CLASP2: variants seen among roughly 807,000 people sequenced by gnomAD.
The protein encoded by CLASP2 is CLIP-associating protein 2.
Under a neutral mutation model 194.4 loss-of-function variants are expected in CLASP2, and 47 were observed. The observed-to-expected ratio is 0.24, with a 90% confidence interval of 0.19 to 0.31. The LOEUF (loss-of-function observed/expected upper bound fraction) is 0.31, where lower values mean the gene tolerates loss of function less well. Ranked by LOEUF, CLASP2 falls within the 10% of genes least tolerant of loss-of-function variation. The pLI is 1.00. For synonymous variants in CLASP2, 619 were observed against 633.5 expected, an observed-to-expected ratio of 0.98 and a Z score of 0.34; for missense variants, 1,445 against 1,823.6, an observed-to-expected ratio of 0.79 and a Z score of 3.78.
rs1310141777 is a variant in CLASP2 at position 33,570,712 on chromosome 3, A to T, written c.2763+15T>A. On this transcript the variant is annotated intron_variant, in intron 26 of 38. Transcript: ENST00000682230. ...TACCCTATAGAAATAAATAATCTTA[A>T]ATACTAAAACATACCTTGCCATGAG... 3.1e-6 allele frequency: 5 copies of T among 1,587,760 alleles called. No individual in the cohort carries two copies. Among genetic ancestry groups the T allele is most frequent in the Non-Finnish European group, 4.3e-6 (5 of 1,166,696 alleles).
intron 9 of CLASP2, among the ~76,000 whole-genome samples, chr3:33,629,789 T>C (rs1277259443): frequency 2.7e-5 from 4 of 147,420 alleles, no homozygotes; most frequent in Admixed American, 2.7e-4. Flanking sequence ...CTTAATACTT[T>C]GCTATGAAAA....
chr3:33,611,377 A>T (rs564050102), intron 13 of CLASP2, among the ~76,000 whole-genome samples: 4 of 152,282 alleles, frequency 2.6e-5, no homozygotes, highest in African/African-American at 9.6e-5. Context: ...GAATACGCAT[A>T]GTTTACTACT....
chr3:33,612,890 G>A (rs142665421), intron 12 of CLASP2, among the ~76,000 whole-genome samples: 1 of 152,072 alleles, frequency 6.6e-6, no homozygotes, highest in Non-Finnish European at 1.5e-5. Flanking sequence ...AGGCTAGGAA[G>A]GATAGGGGGA....
Position 33,510,585 on chromosome 3 carries a change from C to T in CLASP2, c.4290G>A (p.Leu1430=). The change falls in exon 37 of 39, where the codon TTG becomes TTA. Residue 1430 remains leucine, a synonymous_variant. Transcript: ENST00000682230. The part of the protein sequence containing the change: ...RVSKETLNLL[L]PEIMPGLIQG... ...GTATTAGACCTGGCATAATCTCTGGCAAAAGCAGGTTTAGGGTTTCCTTGG... is the reference window on the plus strand; with the variant it reads ...GTATTAGACCTGGCATAATCTCTGGTAAAAGCAGGTTTAGGGTTTCCTTGG... 1.2e-6 allele frequency: 2 copies of T among 1,613,862 alleles called. No individual in the cohort carries two copies. The highest frequency in any genetic ancestry group is 1.1e-5 in the South Asian group (1 of 91,072).
intron 30 of CLASP2, among the ~76,000 whole-genome samples, chr3:33,547,831 C>A (rs1260754708): frequency 6.8e-6 from 1 of 146,770 alleles, no homozygotes; most frequent in Non-Finnish European, 1.5e-5. Context: ...CTCTGTCACT[C>A]GGGCTGGAGT....
At chr3:33,639,789 A>G (rs879393844) in intron 8 of CLASP2, among the ~76,000 whole-genome samples, 7 of 152,196 alleles carry the variant, frequency 4.6e-5, no homozygotes, top group Admixed American at 4.6e-4. Flanking sequence ...CCTAAATTCC[A>G]GATTTCAATA....
chr3:33,576,388 G>T, intron 23 of CLASP2, 113 bp from the exon 24 acceptor site: 5 of 676,664 alleles, frequency 7.4e-6, no homozygotes, highest in Non-Finnish European at 1.2e-5. Context: ...ATGGGGCAAA[G>T]CATTTTAAAA....
chr3:33,537,997 C>T (rs1417852209), intron 33 of CLASP2, among the ~76,000 whole-genome samples: 1 of 152,106 alleles, frequency 6.6e-6, no homozygotes, highest in Non-Finnish European at 1.5e-5. Context: ...ACAAATTAGC[C>T]GGGCATGGTG....
At chr3:33,542,871 T>C (rs115053590) in intron 32 of CLASP2, among the ~76,000 whole-genome samples, 2 of 152,288 alleles carry the variant, frequency 1.3e-5, no homozygotes, top group African/African-American at 2.4e-5. Context: ...AATATAACTA[T>C]GCCATTTAAT....
chr3:33,689,384 A>T (rs1004085821), intron 3 of CLASP2, among the ~76,000 whole-genome samples: 1 of 149,156 alleles, frequency 6.7e-6, no homozygotes, highest in Non-Finnish European at 1.5e-5. Context: ...ACAATATTTA[A>T]AAAAAAAAAA....
intron 26 of CLASP2, among the ~76,000 whole-genome samples, chr3:33,568,577 T>TAAAAAAAAAAAAAAAAAAAAAAAAAAAA (rs1553775503): frequency 3.1e-5 from 3 of 96,898 alleles, no homozygotes; most frequent in Admixed American, 1.3e-4. Flanking sequence ...AAAAAAAAAT[T>TAAAAAAAAAAAAAAAAAAAAAAAAAAAA]ACACACACAC....
chr3:33,610,782 T>C (rs751807812), intron 13 of CLASP2, among the ~76,000 whole-genome samples: 1 of 152,236 alleles, frequency 6.6e-6, no homozygotes, highest in Non-Finnish European at 1.5e-5. Flanking sequence ...ACCTGCAAGC[T>C]GTTGTTTGCT....
intron 26 of CLASP2, among the ~76,000 whole-genome samples, chr3:33,569,082 A>G (rs2063298463): frequency 6.6e-6 from 1 of 152,150 alleles, no homozygotes; most frequent in Non-Finnish European, 1.5e-5. Context: ...AACAAACAAG[A>G]TGGGTAGATA....
intron 36 of CLASP2, among the ~76,000 whole-genome samples, chr3:33,511,371 A>G (rs1053808627): frequency 1.3e-4 from 20 of 152,038 alleles, no homozygotes; most frequent in Non-Finnish European, 2.9e-5. Context: ...ATTGTGGTCT[A>G]GTTGTGTTAG....
At chr3:33,523,306 A>G (rs2053644149) in intron 34 of CLASP2, among the ~76,000 whole-genome samples, 1 of 152,178 alleles carries the variant, frequency 6.6e-6, no homozygotes, top group Non-Finnish European at 1.5e-5. Flanking sequence ...GAACATAAAC[A>G]TATAAGAAGC....
intron 8 of CLASP2, chr3:33,644,541 A>G (rs1489239138): frequency 1.7e-6 from 1 of 589,148 alleles, no homozygotes; most frequent in Non-Finnish European, 3.0e-6. Context: ...ACCCTCAAGA[A>G]GAGACTAATT....
intron 32 of CLASP2, 33 bp downstream of exon 32, chr3:33,543,400 A>G: frequency 1.5e-6 from 2 of 1,346,984 alleles, no homozygotes; most frequent in South Asian, 2.3e-5. Context: ...ATTTACAAAT[A>G]CAAACCATCA....
intron 8 of CLASP2, among the ~76,000 whole-genome samples, chr3:33,634,804 T>C (rs891535133): frequency 4.6e-5 from 7 of 152,180 alleles, no homozygotes; most frequent in Non-Finnish European, 8.8e-5. Context: ...TTTAGTTGTC[T>C]ATATAGTAAA....
chr3:33,702,315 C>T (rs2154353541), intron 1 of CLASP2, among the ~76,000 whole-genome samples: 1 of 152,094 alleles, frequency 6.6e-6, no homozygotes. Flanking sequence ...ACTCAGAGTC[C>T]AGAAATAAAC....
Sources: gnomAD v4.1 joint callset for allele counts (sites outside exome capture counted in the v4.1 genomes callset) on GRCh38, gnomAD v4.1.1 for gene constraint, MANE v1.5 for transcripts, NCBI Gene and HGNC (gene_info 2026-07-23, HGNC 2026-07-21) for gene names.